Variants in ASPM observed in about 807,000 individuals in gnomAD.
ASPM encodes assembly factor for spindle microtubules, also known as abnormal spindle-like microcephaly-associated protein.
Under a neutral mutation model 366.4 loss-of-function variants are expected in ASPM, and 256 were observed. The observed-to-expected ratio is 0.70, with a 90% CI of 0.63 to 0.77. The LOEUF is 0.77. ASPM is among the 30% of genes least tolerant of loss of function. The pLI is 0.00. For missense variants in ASPM, 4,146 were observed against 4,090.4 expected (o/e 1.01, Z -0.37); for synonymous variants, 1,414 against 1,342.9 (o/e 1.05, Z -1.16).
At position 197,101,048 on chromosome 1, in the gene ASPM, A is replaced by C. The variant is rs372416792; in HGVS notation, c.8203T>G (p.Phe2735Val). The change falls in exon 18 of 28, where the codon TTT becomes GTT. Residue 2735 changes from phenylalanine to valine, a missense_variant. Transcript: ENST00000367409. ...YVRVKTERKNFLAVQKSVRTI... is the reference protein window; with the variant it reads ...YVRVKTERKNVLAVQKSVRTI... ...CGTACAGATTTCTGAACTGCTAAAA[A>C]GTTTTTTCTTTCTGTTTTTACTCTA... 7.9e-4 allele frequency: 1,278 copies of C among 1,611,622 alleles called. 24 individuals are homozygous for C. The South Asian group carries it at 0.013, about 17-fold the overall frequency.
Position 197,129,929 on chromosome 1 carries a change from T to G in ASPM, c.2615A>C (p.His872Pro). ...GAGATACTTACCATCTCTATACAGG[T>G]GAGGAACAGTGGGGTGTCTATACTC... Reference protein sequence around the residue: ...AAEYRHPTVPHLYRDGHEEAL... With the variant: ...AAEYRHPTVPPLYRDGHEEAL... Residue 872 changes from histidine (H) to proline (P), a missense_variant, in exon 8 of 28, where the codon CAC becomes CCC. Coordinates refer to ENST00000367409, the MANE Select transcript of ASPM (RefSeq NM_018136.5). The G allele has an allele frequency of 6.2e-7, 1 of 1,613,782 alleles. No homozygotes were observed. The highest frequency in any genetic ancestry group is 1.1e-5 in the South Asian group (1 of 91,078).
chr1:197,144,432 T>C (rs1484952431), intron 1 of ASPM, among the ~76,000 whole-genome samples: 2 of 152,238 alleles, frequency 1.3e-5, no homozygotes, highest in African/African-American at 2.4e-5. Context: ...AGAGTACTTC[T>C]ACTTCAAACA....
chr1:197,085,763 GACA>G (rs1350440397), intron 27 of ASPM, among the ~76,000 whole-genome samples: 4 of 152,046 alleles, frequency 2.6e-5, no homozygotes, highest in Non-Finnish European at 5.9e-5. Context: ...AAAGAGAACT[GACA>G]ACAAAGGGGC....
Position 197,129,940 on chromosome 1 carries a change from G to C in ASPM, c.2604C>G (p.Pro868=), listed in dbSNP as rs1658210927. ...CATCTCTATACAGGTGAGGAACAGT[G>C]GGGTGTCTATACTCAGCTGCTATAT... The part of the protein sequence containing the change: ...NPDIAAEYRH[P]TVPHLYRDGH... The change falls in exon 8 of 28, where the codon CCC becomes CCG. Residue 868 remains proline (P), a synonymous_variant. Coordinates refer to ENST00000367409, the MANE Select transcript of ASPM (RefSeq NM_018136.5). 2 of 1,613,780 alleles carry C rather than the reference G, an allele frequency of 1.2e-6. No homozygotes were observed. The highest frequency in any genetic ancestry group is 1.7e-6 in the Non-Finnish European group (2 of 1,179,858).
Position 197,102,565 on chromosome 1 carries a change from C to G in ASPM, c.6686G>C (p.Arg2229Thr), listed in dbSNP as rs745714332. 7 of 1,611,946 alleles carry G rather than the reference C, an allele frequency of 4.3e-6. No homozygotes were observed. Among genetic ancestry groups the G allele is most frequent in the Admixed American group, 3.3e-5 (2 of 59,716 alleles). ...VQQRYWAMKE[R>T]NIQFQRYNKL... ...GTTATACCTTTGAAATTGTATGTTTCTTTCTTTCATTGCCCAGTATCTTTG... is the reference window on the plus strand; with the variant it reads ...GTTATACCTTTGAAATTGTATGTTTGTTTCTTTCATTGCCCAGTATCTTTG... The change falls in exon 18 of 28, where the codon AGA becomes ACA. Residue 2229 changes from arginine (R) to threonine (T), a missense_variant. Coordinates refer to ENST00000367409, the MANE Select transcript of ASPM (RefSeq NM_018136.5).
Position 197,098,186 on chromosome 1 carries a change from G to GATAT in ASPM, c.8821-2026_8821-2023dup, listed in dbSNP as rs149284705. Among the ~76,000 whole-genome samples the GATAT allele has an allele frequency of 4.4e-3, 643 of 146,182 alleles. 4 individuals carry two copies. Among genetic ancestry groups the GATAT allele is most frequent in the African/African-American group, 0.012 (473 of 40,036 alleles). ...AAATCCCAAATGCTACAGAGAAGTTGATATATATATATATATAAAACATAC... is the reference window on the plus strand; with the variant it reads ...AAATCCCAAATGCTACAGAGAAGTTGATATATATATATATATATATAAAACATAC... On this transcript the variant is annotated intron_variant, in intron 18 of 27. Coordinates refer to ENST00000367409, the MANE Select transcript of ASPM (RefSeq NM_018136.5).
chr1:197,091,959 T>C lies in ASPM; in HGVS notation c.9392A>G (p.Tyr3131Cys). 6.2e-7 allele frequency: 1 copy of C among 1,611,636 alleles called. No individual in the cohort carries two copies. The highest frequency in any genetic ancestry group is 8.5e-7 in the Non-Finnish European group (1 of 1,178,848). The change falls in exon 22 of 28, where the codon TAC becomes TGC. Residue 3131 changes from tyrosine to cysteine, a missense_variant. Coordinates refer to ENST00000367409, the MANE Select transcript of ASPM (RefSeq NM_018136.5). Reference protein sequence around the residue: ...AVRIQRAYKLYLAVKNANKQV... With the variant: ...AVRIQRAYKLCLAVKNANKQV... Reference sequence around the variant, plus strand: ...CTTGTTAGCATTCTTCACAGCCAGGTAAAGTTTATAGGCTCTTTGAATTCT... The same window carrying C: ...CTTGTTAGCATTCTTCACAGCCAGGCAAAGTTTATAGGCTCTTTGAATTCT...
chr1:197,097,493 C>T (rs888679679), intron 18 of ASPM, among the ~76,000 whole-genome samples: 3 of 151,650 alleles, frequency 2.0e-5, no homozygotes, highest in African/African-American at 7.3e-5. Context: ...TATCCCGCAG[C>T]ACAACAAATA....
At position 197,101,370 on chromosome 1, in the gene ASPM, A is replaced by G; in HGVS notation, c.7881T>C (p.Ala2627=). ...TACAATGCTTCTGAATAATAATGGC[A>G]GCCTGGTGCTGTTCCTGAATCTGTT... ...IKKQIQEQHQ[A]AIIIQKHCKA... Residue 2627 remains alanine, a synonymous_variant, in exon 18 of 28, where the codon GCT becomes GCC. Transcript: ENST00000367409. 6.2e-7 allele frequency: 1 copy of G among 1,610,010 alleles called. No homozygotes were observed. Among genetic ancestry groups the G allele is most frequent in the Admixed American group, 1.7e-5 (1 of 59,710 alleles).
In ASPM at chr1:197,101,919, G is replaced by T; in HGVS notation, c.7332C>A (p.Thr2444=). The T allele has an allele frequency of 6.2e-7, 1 of 1,612,740 alleles. No homozygotes were observed. The highest frequency in any genetic ancestry group is 8.5e-7 in the Non-Finnish European group (1 of 1,179,250). The change falls in exon 18 of 28, where the codon ACC becomes ACA. Residue 2444 remains threonine, a synonymous_variant. Coordinates refer to ENST00000367409, the MANE Select transcript of ASPM (RefSeq NM_018136.5). The stretch of plus-strand genomic sequence containing the variant: ...GGTACAATTTATGTTTGGCACAAAT[G>T]GTGGCTCGATATTTCCTCTGAACAA... ...TIFVQRKYRA[T]ICAKHKLYQF...
At chr1:197,092,991 C>T in intron 21 of ASPM, 61 bp downstream of exon 21, 1 of 1,390,062 alleles carries the variant, frequency 7.2e-7, no homozygotes, top group Non-Finnish European at 1.0e-6. Flanking sequence ...TTTCTTAACA[C>T]TATTTAACAT....
chr1:197,119,071 G>T (rs931569009), intron 16 of ASPM, among the ~76,000 whole-genome samples: 4 of 151,942 alleles, frequency 2.6e-5, no homozygotes, highest in African/African-American at 9.7e-5. Context: ...GTGCAATAGG[G>T]GAAACAACTA....
At chr1:197,096,481 T>A (rs1656979694) in intron 18 of ASPM, among the ~76,000 whole-genome samples, 1 of 151,786 alleles carries the variant, frequency 6.6e-6, no homozygotes, top group Admixed American at 6.6e-5. Flanking sequence ...ATGTAAATTA[T>A]CCTCATCACC....
intron 27 of ASPM, among the ~76,000 whole-genome samples, chr1:197,085,756 GA>G (rs1342412037): frequency 4.6e-5 from 7 of 152,208 alleles, no homozygotes; most frequent in Admixed American, 2.6e-4. Flanking sequence ...AATAAAGAAA[GA>G]GAACTGACAA....
At position 197,142,706 on chromosome 1, in the gene ASPM, T is replaced by C. The variant is rs754380113; in HGVS notation, c.1546A>G (p.Lys516Glu). 1 of 1,614,042 alleles carries C rather than the reference T, an allele frequency of 6.2e-7. No homozygotes were observed. The highest frequency in any genetic ancestry group is 1.1e-5 in the South Asian group (1 of 91,076). ...RENQTEINKP[K>E]AKRCLNSAVG... Reference sequence around the variant, plus strand: ...GCACTGTTGAGACATCTTTTTGCTTTTGGTTTATTAATCTCAGTTTGGTTT... The same window carrying C: ...GCACTGTTGAGACATCTTTTTGCTTCTGGTTTATTAATCTCAGTTTGGTTT... Residue 516 changes from lysine to glutamate, a missense_variant, in exon 3 of 28, where the codon AAA becomes GAA. Around this residue, in one of 3 missense-constraint regions of ASPM, gnomAD observed 3,624 missense variants for 3,591.7 expected, o/e 1.01. Coordinates refer to ENST00000367409, the MANE Select transcript of ASPM (RefSeq NM_018136.5).
chr1:197,133,093 G>GA (rs1229890858), intron 6 of ASPM, among the ~76,000 whole-genome samples: 1 of 152,134 alleles, frequency 6.6e-6, no homozygotes, highest in Non-Finnish European at 1.5e-5. Flanking sequence ...TTGTATACTT[G>GA]AAATTTGCTG....
At chr1:197,100,347 G>T in intron 18 of ASPM, 84 bp downstream of exon 18, 1 of 991,156 alleles carries the variant, frequency 1.0e-6, no homozygotes, top group Non-Finnish European at 1.5e-6. Flanking sequence ...TTTATGACCT[G>T]CTTAAGCTCA....
intron 18 of ASPM, among the ~76,000 whole-genome samples, chr1:197,097,273 A>G (rs1464795362): frequency 6.6e-6 from 1 of 151,768 alleles, no homozygotes; most frequent in African/African-American, 2.4e-5. Context: ...AATGTAATGC[A>G]TCTCTTACTT....
intron 3 of ASPM, among the ~76,000 whole-genome samples, chr1:197,141,326 T>C (rs2125113101): frequency 6.6e-6 from 1 of 152,290 alleles, no homozygotes; most frequent in Admixed American, 6.5e-5. Context: ...TTCCCACAAG[T>C]GCAGCAGAGT....
Sources: gnomAD v4.1 joint callset for allele counts (sites outside exome capture counted in the v4.1 genomes callset) on GRCh38, gnomAD v4.1.1 for gene constraint, gnomAD v4.1.1 regional missense constraint, MANE v1.5 for transcripts, NCBI Gene and HGNC (gene_info 2026-07-23, HGNC 2026-07-21) for gene names.